CHL1: variants seen among roughly 807,000 people sequenced by gnomAD.
CHL1 encodes the protein cell adhesion molecule L1 like.
Under a neutral mutation model 141.9 loss-of-function variants are expected in CHL1, and 96 were observed. The observed-to-expected ratio is 0.68, with a 90% CI of 0.57 to 0.80. The LOEUF (loss-of-function observed/expected upper bound fraction) is 0.80, where lower values mean the gene tolerates loss of function less well. CHL1 is among the 30% of genes least tolerant of loss of function. The pLI, the probability that CHL1 is intolerant of heterozygous loss-of-function variation, is 0.00. For missense variants in CHL1, 1,820 were observed against 1,457.2 expected, an observed-to-expected ratio of 1.25 and a Z score of -4.05; for synonymous variants, 613 against 502.2, an observed-to-expected ratio of 1.22 and a Z score of -2.95.
At chr3:239,715 T>C (rs147469615) in intron 1 of CHL1, among the ~76,000 whole-genome samples, 20 of 152,130 alleles carry the variant, frequency 1.3e-4, no homozygotes, top group African/African-American at 2.9e-4. Flanking sequence ...CCAAGCAGTA[T>C]ACAATGAACC....
At chr3:320,850 A>G (rs1339705916) in intron 3 of CHL1, among the ~76,000 whole-genome samples, 1 of 152,094 alleles carries the variant, frequency 6.6e-6, no homozygotes. Context: ...TTTTATCCGT[A>G]TCATTCAGGA....
chr3:374,014 A>G (rs1385132429), intron 15 of CHL1: 1 of 152,012 alleles, frequency 6.6e-6, no homozygotes, highest in Non-Finnish European at 1.5e-5. Context: ...GGAGCCTCCG[A>G]ACACAGCTGT....
intron 2 of CHL1, among the ~76,000 whole-genome samples, chr3:292,715 A>C (rs1383597735): frequency 6.6e-6 from 1 of 152,176 alleles, no homozygotes; most frequent in African/African-American, 2.4e-5. Context: ...AGCCACAGGG[A>C]GCTTTTACTC....
At chr3:319,648 T>C in intron 2 of CHL1, 35 bp from the exon 3 acceptor site, 1 of 565,294 alleles carries the variant, frequency 1.8e-6, no homozygotes. Flanking sequence ...TTTTAGAGTT[T>C]GTGAACTAAC....
intron 3 of CHL1, among the ~76,000 whole-genome samples, chr3:322,647 T>A (rs958305843): frequency 8.9e-4 from 40 of 44,772 alleles, no homozygotes; most frequent in East Asian, 1.2e-3. Flanking sequence ...ATATATAAAA[T>A]ATATATATAT....
intron 5 of CHL1, among the ~76,000 whole-genome samples, chr3:328,679 C>A (rs1701200197): frequency 6.6e-6 from 1 of 152,082 alleles, no homozygotes; most frequent in African/African-American, 2.4e-5. Flanking sequence ...AACCCCAAAA[C>A]CTCTATGTAA....
rs572601662 is a variant in CHL1 at position 354,687 on chromosome 3, G to A, written c.1081G>A (p.Gly361Arg). ...KKPQSAVYST[G>R]SNGILLCEAE... ...GCCTCAGAGTGCTGTGTATAGCACC[G>A]GAAGCAATGGCATCTTGTTATGTGA... The change falls in exon 11 of 28, where the codon GGA becomes AGA. Residue 361 changes from glycine to arginine, a missense_variant. By Grantham distance (125) the Gly-to-Arg change is moderately radical. Coordinates refer to ENST00000256509, the MANE Select transcript of CHL1 (RefSeq NM_006614.4). 2.3e-5 allele frequency: 37 copies of A among 1,613,916 alleles called. No individual in the cohort carries two copies. Among genetic ancestry groups the A allele is most frequent in the South Asian group, 6.6e-5 (6 of 91,086 alleles).
chr3:401,573 T>G, intron 26 of CHL1, 53 bp from the exon 27 acceptor site: 2 of 1,040,128 alleles, frequency 1.9e-6, no homozygotes, highest in East Asian at 4.8e-5. Flanking sequence ...ACTGGTAAAA[T>G]GTCTTTTAAA....
chr3:273,452 C>T lies in CHL1; in HGVS notation c.-95+28760C>T, dbSNP rs555995754. Reference sequence around the variant, plus strand: ...GACAATTATCACTCCTAGACTTAATCATTTTTCTCTTAGCCTCTGTGTTAC... The same window carrying T: ...GACAATTATCACTCCTAGACTTAATTATTTTTCTCTTAGCCTCTGTGTTAC... On this transcript the variant is annotated intron_variant, in intron 2 of 27. Transcript: ENST00000256509. 3.9e-5 allele frequency among the ~76,000 whole-genome samples: 6 copies of T among 152,264 alleles called. No individual in the cohort carries two copies. In the South Asian group the frequency reaches 1.2e-3, roughly 32 times the overall value.
chr3:199,153 C>T (rs1426702167), intron 1 of CHL1, among the ~76,000 whole-genome samples: 1 of 152,168 alleles, frequency 6.6e-6, no homozygotes, highest in Non-Finnish European at 1.5e-5. Context: ...ATTTTATGGC[C>T]TTAAGTGCTG....
chr3:395,168 G>A (rs532460882), intron 24 of CHL1, among the ~76,000 whole-genome samples: 10 of 152,292 alleles, frequency 6.6e-5, no homozygotes, highest in African/African-American at 2.4e-4. Context: ...AGGACATAAG[G>A]TCACAAAGCT....
chr3:264,988 G>C (rs1254275245), intron 2 of CHL1, among the ~76,000 whole-genome samples: 6 of 152,200 alleles, frequency 3.9e-5, no homozygotes, highest in African/African-American at 1.4e-4. Flanking sequence ...TGCGAATAAT[G>C]ATGTTACATC....
chr3:379,216 G>A (rs2125376134), intron 16 of CHL1, among the ~76,000 whole-genome samples: 1 of 152,176 alleles, frequency 6.6e-6, no homozygotes, highest in Non-Finnish European at 1.5e-5. Context: ...TCAACAGGCT[G>A]GATCCCTTCA....
intron 5 of CHL1, among the ~76,000 whole-genome samples, chr3:333,124 A>ATTTT (rs879790982): frequency 0.13 from 10,416 of 83,012 alleles, 3,552 homozygotes; most frequent in Middle Eastern, 0.24. Flanking sequence ...TAATTGCTCT[A>ATTTT]TTTTTTTTAT....
intron 5 of CHL1, among the ~76,000 whole-genome samples, chr3:339,864 T>G (rs984228460): frequency 6.6e-6 from 1 of 152,128 alleles, no homozygotes. Flanking sequence ...AACATACAAA[T>G]AAATACCTTC....
intron 2 of CHL1, among the ~76,000 whole-genome samples, chr3:307,484 G>A (rs41419644): frequency 0.022 from 3,362 of 152,212 alleles, 123 homozygotes; most frequent in African/African-American, 0.076. Flanking sequence ...CTACATTTTC[G>A]ATTGGAGTCA....
intron 19 of CHL1, among the ~76,000 whole-genome samples, chr3:384,903 C>T (rs1707491420): frequency 6.6e-6 from 1 of 152,048 alleles, no homozygotes; most frequent in South Asian, 2.1e-4. Context: ...ATCACATGGC[C>T]CATACCTGCA....
intron 16 of CHL1, 58 bp from the exon 17 acceptor site, chr3:382,121 G>A: frequency 6.8e-7 from 1 of 1,472,866 alleles, no homozygotes; most frequent in Non-Finnish European, 9.4e-7. Flanking sequence ...TGTGTCTGAG[G>A]AAGGGAATCA....
At chr3:345,522 C>T (rs1702698285) in intron 9 of CHL1, among the ~76,000 whole-genome samples, 1 of 151,866 alleles carries the variant, frequency 6.6e-6, no homozygotes, top group Non-Finnish European at 1.5e-5. Context: ...CTCACTCTGT[C>T]ACCCATGCTG....
Sources: allele counts gnomAD v4.1 joint callset (sites outside exome capture counted in the v4.1 genomes callset), GRCh38; gene constraint gnomAD v4.1.1; transcripts MANE v1.5; gene names NCBI Gene and HGNC (gene_info 2026-07-23, HGNC 2026-07-21).